Variants in F8 observed in about 807,000 individuals in gnomAD.
F8 encodes antihemophilic factor.
A neutral mutation model predicts 140.6 loss-of-function variants in F8; 12 were observed. The observed-to-expected ratio is 0.09, with a 90% CI of 0.05 to 0.14. F8 has a LOEUF of 0.14. Ranked by LOEUF, F8 falls within the 10% of genes least tolerant of loss-of-function variation. F8 has a pLI of 1.00. For missense variants in F8, 1,354 were observed against 1,720.7 expected, an observed-to-expected ratio of 0.79 and a Z score of 3.77; for synonymous variants, 585 against 614.6, an observed-to-expected ratio of 0.95 and a Z score of 0.71.
chrX:154,916,846 C>G (rs1476436177), intron 14 of F8, among the ~76,000 whole-genome samples: 1 of 109,392 alleles, frequency 9.1e-6, no homozygotes, highest in Admixed American at 9.7e-5. Context: ...GTTTGGTTTG[C>G]TCTTGTTTTT....
intron 14 of F8, among the ~76,000 whole-genome samples, chrX:154,922,452 A>G (rs782058213): frequency 3.1e-4 from 35 of 112,561 alleles, no homozygotes; most frequent in Non-Finnish European, 5.4e-4. Flanking sequence ...ACAACATTGA[A>G]CAATACCTCC....
intron 14 of F8, among the ~76,000 whole-genome samples, chrX:154,927,098 G>A (rs1385366898): frequency 9.0e-6 from 1 of 111,586 alleles, no homozygotes; most frequent in Non-Finnish European, 1.9e-5. Flanking sequence ...AAATACTACT[G>A]AGAATTCAAA....
intron 12 of F8, among the ~76,000 whole-genome samples, chrX:154,953,072 G>A (rs782100066): frequency 4.5e-5 from 5 of 111,575 alleles, no homozygotes; most frequent in Non-Finnish European, 9.4e-5. Context: ...ATTCTATTTC[G>A]CATTTCCCTG....
At chrX:154,841,907 G>A (rs2072524760) in intron 25 of F8, among the ~76,000 whole-genome samples, 2 of 111,193 alleles carry the variant, frequency 1.8e-5, no homozygotes, top group Admixed American at 1.9e-4. Context: ...TGGTTGTCAA[G>A]GTTATGCTAT....
chrX:154,979,941 G>C (rs2073509085), intron 6 of F8, among the ~76,000 whole-genome samples: 1 of 111,662 alleles, frequency 9.0e-6, no homozygotes, highest in South Asian at 3.8e-4. Flanking sequence ...CTGTGGCTAG[G>C]ATTGCAAGAG....
intron 1 of F8, among the ~76,000 whole-genome samples, chrX:155,003,960 C>CAAA (rs869097926): frequency 1.1e-3 from 38 of 33,143 alleles, no homozygotes; most frequent in Middle Eastern, 0.02. Flanking sequence ...GATTCTGTCT[C>CAAA]AAAAAAAAAA....
chrX:154,935,356 G>A (rs1419902204), intron 13 of F8, among the ~76,000 whole-genome samples: 3 of 111,697 alleles, frequency 2.7e-5, no homozygotes, highest in African/African-American at 9.8e-5. Flanking sequence ...GGAACAGAAT[G>A]GAGAGTTCAG....
chrX:154,908,696 G>C (rs782426541), intron 14 of F8, among the ~76,000 whole-genome samples: 1 of 111,409 alleles, frequency 9.0e-6, no homozygotes, highest in Non-Finnish European at 1.9e-5. Flanking sequence ...GTACTTGTTA[G>C]TATTCTATTC....
chrX:154,868,429 G>C (rs1252255647), intron 22 of F8, among the ~76,000 whole-genome samples: 3 of 111,764 alleles, frequency 2.7e-5, no homozygotes, highest in Non-Finnish European at 5.7e-5. Flanking sequence ...AGAACTGTGA[G>C]TCAATTAAAC....
intron 25 of F8, among the ~76,000 whole-genome samples, chrX:154,844,049 T>C (rs1431385901): frequency 8.9e-6 from 1 of 112,012 alleles, no homozygotes; most frequent in East Asian, 2.8e-4. Context: ...CAATAGGGAA[T>C]CCTTTCCCCA....
chrX:154,879,569 A>G (rs1254738657), intron 22 of F8, among the ~76,000 whole-genome samples: 1 of 112,381 alleles, frequency 8.9e-6, no homozygotes, highest in African/African-American at 3.2e-5. Context: ...GCTTTACGTT[A>G]TATGATTTTG....
At chrX:154,912,739 T>C (rs2073074851) in intron 14 of F8, among the ~76,000 whole-genome samples, 1 of 112,100 alleles carries the variant, frequency 8.9e-6, no homozygotes, top group Admixed American at 9.4e-5. Context: ...GACTGCATAA[T>C]TTATAAAGGA....
At chrX:154,971,962 T>C (rs368719662) in intron 6 of F8, among the ~76,000 whole-genome samples, 3 of 112,650 alleles carry the variant, frequency 2.7e-5, no homozygotes, top group East Asian at 2.8e-4. Flanking sequence ...ATCTTGACTA[T>C]TGTGAATAAT....
At chrX:154,961,675 C>T (rs940470039) in intron 9 of F8, among the ~76,000 whole-genome samples, 6 of 111,007 alleles carry the variant, frequency 5.4e-5, no homozygotes, top group Non-Finnish European at 1.1e-4. Flanking sequence ...CATCCCCAAA[C>T]GACTGAAGAG....
chrX:154,860,679 T>A, intron 24 of F8, 71 bp from the exon 25 acceptor site: 1 of 994,925 alleles, frequency 1.0e-6, no homozygotes, highest in Non-Finnish European at 1.4e-6. Context: ...AAATCCCTCT[T>A]AACCATACCA....
chrX:154,988,171 A>G (rs1461835077), intron 4 of F8, among the ~76,000 whole-genome samples: 3 of 111,972 alleles, frequency 2.7e-5, no homozygotes, highest in Non-Finnish European at 5.6e-5. Context: ...TTGCTTTCTT[A>G]CTCAATTGAG....
intron 25 of F8, among the ~76,000 whole-genome samples, chrX:154,852,073 T>C (rs1218280616): frequency 2.7e-5 from 3 of 111,638 alleles, no homozygotes; most frequent in African/African-American, 6.5e-5. Context: ...ACATTTTTAG[T>C]TAAATGATTT....
intron 25 of F8, among the ~76,000 whole-genome samples, chrX:154,845,194 C>T (rs1557271643): frequency 9.0e-6 from 1 of 111,634 alleles, no homozygotes; most frequent in Admixed American, 9.5e-5. Flanking sequence ...TTTGGTTTGC[C>T]AGTATTTTAT....
rs1238160845 is a variant in F8 at position 154,877,722 on chromosome X, T to C, written c.6430-14495A>G. Among the ~76,000 whole-genome samples the C allele has an allele frequency of 2.7e-5, 3 of 111,637 alleles. No homozygotes were observed. In the Admixed American group the frequency reaches 2.8e-4, roughly 11 times the overall value. ...TGATTTTAGCCCAGTAAGACTTGGGTCAGTCTTCTGCCCTATCGAACTGTA... is the reference window on the plus strand; with the variant it reads ...TGATTTTAGCCCAGTAAGACTTGGGCCAGTCTTCTGCCCTATCGAACTGTA... On this transcript the variant is annotated intron_variant, in intron 22 of 25. Coordinates refer to ENST00000360256, the MANE Select transcript of F8 (RefSeq NM_000132.4).
Sources: allele counts gnomAD v4.1 joint callset (sites outside exome capture counted in the v4.1 genomes callset), GRCh38; gene constraint gnomAD v4.1.1; transcripts MANE v1.5; gene names NCBI Gene and HGNC (gene_info 2026-07-23, HGNC 2026-07-21).